The following FBN2 variants were observed in gnomAD, a reference collection of about 807,000 sequenced individuals.
FBN2 encodes fibrillin 2.
Under a neutral mutation model 355.6 loss-of-function variants are expected in FBN2, and 105 were observed. The ratio of observed to expected loss-of-function variants is 0.30; its 90% confidence interval spans 0.25 to 0.35. FBN2 has a LOEUF of 0.35. Among genes scored for constraint, FBN2 ranks in the 10% least tolerant of loss-of-function variants. The pLI is 1.00. For synonymous variants in FBN2, 1,350 were observed against 1,301.2 expected (o/e 1.04, Z -0.81); for missense variants, 3,280 against 3,758.7 (o/e 0.87, Z 3.33).
intron 52 of FBN2, 22 bp downstream of exon 52, chr5:128,289,105 G>A (rs758318305): frequency 1.2e-6 from 2 of 1,613,274 alleles, no homozygotes; most frequent in East Asian, 4.5e-5. Flanking sequence ...TTAAAATTCT[G>A]TAATGTGGAG....
chr5:128,274,321 TG>T (rs1252333024), intron 60 of FBN2, among the ~76,000 whole-genome samples: 1 of 152,176 alleles, frequency 6.6e-6, no homozygotes, highest in Non-Finnish European at 1.5e-5. Flanking sequence ...ATTAAGAATG[TG>T]ATATAAAGGC....
intron 6 of FBN2, among the ~76,000 whole-genome samples, chr5:128,460,249 A>G (rs895128552): frequency 1.3e-5 from 2 of 152,210 alleles, no homozygotes; most frequent in African/African-American, 2.4e-5. Flanking sequence ...GAGAACTCCC[A>G]TTCACAATTG....
chr5:128,336,484 C>T (rs1426358786), intron 27 of FBN2, among the ~76,000 whole-genome samples: 1 of 152,192 alleles, frequency 6.6e-6, no homozygotes, highest in Admixed American at 6.5e-5. Context: ...ACAGATTTCA[C>T]ATATGCCAGA....
intron 8 of FBN2, among the ~76,000 whole-genome samples, chr5:128,396,965 T>C (rs547621978): frequency 6.6e-6 from 1 of 152,332 alleles, no homozygotes; most frequent in East Asian, 1.9e-4. Context: ...TTATGTCCTC[T>C]AATGGCCCAT....
intron 5 of FBN2, among the ~76,000 whole-genome samples, chr5:128,471,378 T>G (rs1417794228): frequency 6.6e-6 from 1 of 152,124 alleles, no homozygotes; most frequent in Non-Finnish European, 1.5e-5. Flanking sequence ...TTCCTTCATT[T>G]CAGTAAGATT....
chr5:128,402,627 G>C (rs1385336333), intron 8 of FBN2, among the ~76,000 whole-genome samples: 2 of 152,158 alleles, frequency 1.3e-5, no homozygotes, highest in Admixed American at 6.6e-5. Context: ...TGTCTCCTGT[G>C]GAATTAGGTT....
intron 7 of FBN2, among the ~76,000 whole-genome samples, chr5:128,433,446 A>G (rs1289500377): frequency 6.6e-6 from 1 of 152,220 alleles, no homozygotes; most frequent in African/African-American, 2.4e-5. Context: ...ATAATCCTTA[A>G]AACAGGTAAG....
intron 13 of FBN2, among the ~76,000 whole-genome samples, chr5:128,377,542 T>A (rs1414368324): frequency 3.2e-4 from 41 of 129,936 alleles, no homozygotes; most frequent in African/African-American, 1.0e-3. Context: ...TCTCCTCCCC[T>A]CCACCACCAA....
At chr5:128,259,901 T>C in intron 64 of FBN2, 72 bp from the exon 65 acceptor site, 1 of 1,530,600 alleles carries the variant, frequency 6.5e-7, no homozygotes, top group Non-Finnish European at 9.0e-7. Flanking sequence ...AGAGATCAGC[T>C]GCAGGGGCTT....
At chr5:128,336,665 GTGTTA>G (rs1750851474) in intron 27 of FBN2, among the ~76,000 whole-genome samples, 1 of 152,168 alleles carries the variant, frequency 6.6e-6, no homozygotes, top group Non-Finnish European at 1.5e-5. Flanking sequence ...TGTTTACACT[GTGTTA>G]TGTTTTGTGT....
chr5:128,458,847 T>C (rs1242131640), intron 6 of FBN2, among the ~76,000 whole-genome samples: 1 of 151,878 alleles, frequency 6.6e-6, no homozygotes, highest in Non-Finnish European at 1.5e-5. Context: ...CAGAAAGCTA[T>C]AAAGATCTCA....
intron 5 of FBN2, among the ~76,000 whole-genome samples, chr5:128,498,596 C>T (rs1344154970): frequency 6.6e-6 from 1 of 152,172 alleles, no homozygotes; most frequent in East Asian, 1.9e-4. Flanking sequence ...GCTCAAGTTC[C>T]TCTGGCTTCA....
chr5:128,444,455 C>T lies in FBN2; in HGVS notation c.952+2026G>A, dbSNP rs191754008. On this transcript the variant is annotated intron_variant, in intron 7 of 64. Transcript: ENST00000262464. The stretch of plus-strand genomic sequence containing the variant: ...TTTAAGAAATATTTAAATAAATATG[C>T]CTTATACACAAGTAAGGCCTTCATA... 1.2e-3 allele frequency among the ~76,000 whole-genome samples: 176 copies of T among 152,204 alleles called. 2 individuals are homozygous for T. The highest frequency in any genetic ancestry group is 4.0e-3 in the African/African-American group (167 of 41,540).
At chr5:128,502,290 A>C (rs1432487355) in intron 5 of FBN2, among the ~76,000 whole-genome samples, 5 of 148,762 alleles carry the variant, frequency 3.4e-5, no homozygotes, top group African/African-American at 4.9e-5. Flanking sequence ...TACAGAACAA[A>C]AAAAAAAAAA....
chr5:128,344,113 T>A (rs1232491331), intron 25 of FBN2, among the ~76,000 whole-genome samples: 1 of 152,116 alleles, frequency 6.6e-6, no homozygotes, highest in Admixed American at 6.5e-5. Context: ...TAGCTGTGCA[T>A]GGTGGCGCAC....
chr5:128,447,445 C>A (rs984462322), intron 6 of FBN2, among the ~76,000 whole-genome samples: 1 of 152,262 alleles, frequency 6.6e-6, no homozygotes, highest in African/African-American at 2.4e-5. Context: ...AAATAAGCCC[C>A]GGTCTCCCTT....
At chr5:128,384,305 G>A (rs532802179) in intron 11 of FBN2, among the ~76,000 whole-genome samples, 31 of 152,120 alleles carry the variant, frequency 2.0e-4, no homozygotes, top group African/African-American at 6.5e-4. Context: ...GATGAAAGGA[G>A]GAGCAAGATG....
chr5:128,433,620 G>C lies in FBN2; in HGVS notation c.952+12861C>G, dbSNP rs562078488. On this transcript the variant is annotated intron_variant, in intron 7 of 64. Transcript: ENST00000262464. ...ACCTATAGCTGAAGAATATGTTTAC[G>C]CTTCAGATTAGCATCAGCTATATGG... Among the ~76,000 whole-genome samples, 8 of 152,216 alleles carry C rather than the reference G, an allele frequency of 5.3e-5. No homozygotes were observed. In the South Asian group the frequency reaches 1.7e-3, roughly 32 times the overall value.
intron 7 of FBN2, among the ~76,000 whole-genome samples, chr5:128,411,852 C>A (rs1258118671): frequency 6.6e-6 from 1 of 152,194 alleles, no homozygotes; most frequent in African/African-American, 2.4e-5. Flanking sequence ...TTAAATTTAG[C>A]ATTAGCATTT....
Sources: allele counts gnomAD v4.1 joint callset (sites outside exome capture counted in the v4.1 genomes callset), GRCh38; gene constraint gnomAD v4.1.1; transcripts MANE v1.5; gene names NCBI Gene and HGNC (gene_info 2026-07-23, HGNC 2026-07-21).